The following C12orf42 variants were observed in gnomAD, a reference collection of about 807,000 sequenced individuals.
C12orf42 encodes the protein chromosome 12 open reading frame 42, also known as uncharacterized protein C12orf42.
C12orf42 carries 25 observed loss-of-function variants against 21.6 expected under a neutral mutation model. The ratio of observed to expected loss-of-function variants is 1.16; its 90% CI spans 0.84 to 1.62. The LOEUF is 1.62. Ranked by LOEUF, C12orf42 falls within the 40% of genes most tolerant of loss-of-function variation. The probability of loss-of-function intolerance (pLI) is 0.00; values close to 1 mark genes in which losing one functional copy is unlikely to be tolerated. For synonymous variants in C12orf42, 174 were observed against 175.0 expected, an observed-to-expected ratio of 0.99 and a Z score of 0.05; for missense variants, 483 against 459.3, an observed-to-expected ratio of 1.05 and a Z score of -0.47.
the C12orf42 span, among the ~76,000 whole-genome samples, chr12:103,109,874 C>T: frequency 5.3e-5 from 8 of 151,982 alleles, no homozygotes; most frequent in Non-Finnish European, 1.2e-4. Flanking sequence ...CACTCAATGT[C>T]CACAATGAAA....
At chr12:103,324,716 C>T (rs983900332) in intron 4 of C12orf42, among the ~76,000 whole-genome samples, 5 of 152,148 alleles carry the variant, frequency 3.3e-5, no homozygotes, top group Non-Finnish European at 7.4e-5. Context: ...CCTATTATGG[C>T]CACAAATCTC....
At chr12:103,063,530 C>A in the C12orf42 span, among the ~76,000 whole-genome samples, 1 of 152,326 alleles carries the variant, frequency 6.6e-6, no homozygotes, top group Middle Eastern at 3.4e-3. Context: ...CCAGTAGTGA[C>A]AACATCCCCT....
chr12:103,446,535 C>A (rs540882599), intron 2 of C12orf42, among the ~76,000 whole-genome samples: 1 of 151,898 alleles, frequency 6.6e-6, no homozygotes, highest in South Asian at 2.1e-4. Context: ...ATGTAAATAG[C>A]CTAAATGCTC....
intron 4 of C12orf42, among the ~76,000 whole-genome samples, chr12:103,316,777 C>T (rs577233482): frequency 2.7e-4 from 41 of 151,682 alleles, no homozygotes; most frequent in Non-Finnish European, 4.9e-4. Context: ...ATATCCCAAG[C>T]GCTTGGCACA....
Position 103,382,439 on chromosome 12 carries a change from A to G in C12orf42, c.148-13441T>C, listed in dbSNP as rs539207289. 9.2e-5 allele frequency among the ~76,000 whole-genome samples: 14 copies of G among 152,380 alleles called. No individual in the cohort carries two copies. In the South Asian group the frequency reaches 2.3e-3, roughly 25 times the overall value. ...AGAGTCAAGTCAGTAGCAGACACAA[A>G]GCAGAAAAAAGTAGAGCAGATGAGC... On this transcript the variant is annotated intron_variant, in intron 3 of 5. Coordinates refer to ENST00000548883, the MANE Select transcript of C12orf42 (RefSeq NM_198521.5).
At chr12:103,052,560 T>A in the C12orf42 span, among the ~76,000 whole-genome samples, 1 of 152,110 alleles carries the variant, frequency 6.6e-6, no homozygotes, top group African/African-American at 2.4e-5. Flanking sequence ...TATTTATATA[T>A]TCTGGATATA....
chr12:103,118,116 A>G, the C12orf42 span, among the ~76,000 whole-genome samples: 28 of 152,196 alleles, frequency 1.8e-4, no homozygotes, highest in Admixed American at 1.7e-3. Flanking sequence ...AAGGCAGCTC[A>G]TGCCTGGAGG....
the C12orf42 span, among the ~76,000 whole-genome samples, chr12:103,519,927 A>G: frequency 6.6e-6 from 1 of 152,206 alleles, no homozygotes; most frequent in African/African-American, 2.4e-5. Context: ...GTTTACAGAA[A>G]GAGGAGGGAA....
the C12orf42 span, among the ~76,000 whole-genome samples, chr12:103,215,802 T>C: frequency 6.6e-6 from 1 of 152,202 alleles, no homozygotes; most frequent in East Asian, 1.9e-4. Context: ...TGGAACACAG[T>C]ACTCAAAAGA....
At chr12:103,434,521 T>G (rs1283991629) in intron 2 of C12orf42, among the ~76,000 whole-genome samples, 1 of 151,996 alleles carries the variant, frequency 6.6e-6, no homozygotes, top group Non-Finnish European at 1.5e-5. Flanking sequence ...TGCCAGACAG[T>G]GGGTGCAGGT....
the C12orf42 span, among the ~76,000 whole-genome samples, chr12:103,153,843 A>T: frequency 2.0e-5 from 3 of 152,062 alleles, no homozygotes; most frequent in Non-Finnish European, 4.4e-5. Flanking sequence ...TACTCACCAG[A>T]AAACAAGTAC....
intron 2 of C12orf42, among the ~76,000 whole-genome samples, chr12:103,417,204 GA>G (rs1479891414): frequency 5.9e-5 from 9 of 152,118 alleles, no homozygotes. Flanking sequence ...ATTTTAATGG[GA>G]AAATCCCCCC....
chr12:103,316,055 T>TAC (rs148613117), intron 4 of C12orf42, among the ~76,000 whole-genome samples: 29 of 149,432 alleles, frequency 1.9e-4, no homozygotes, highest in Admixed American at 8.7e-4. Flanking sequence ...TATATATATA[T>TAC]ACACACACAC....
chr12:103,155,789 GTACATA>G, the C12orf42 span, among the ~76,000 whole-genome samples: 1 of 148,274 alleles, frequency 6.7e-6, no homozygotes, highest in African/African-American at 2.5e-5. Flanking sequence ...AGTAAAAATA[GTACATA>G]TACATATACC....
the C12orf42 span, among the ~76,000 whole-genome samples, chr12:103,222,461 G>A: frequency 2.0e-5 from 3 of 152,094 alleles, no homozygotes; most frequent in Non-Finnish European, 4.4e-5. Flanking sequence ...GGTGGGGCAG[G>A]GCATATTCAC....
intron 5 of C12orf42, among the ~76,000 whole-genome samples, chr12:103,271,164 C>G (rs549992877): frequency 6.6e-6 from 1 of 152,128 alleles, no homozygotes; most frequent in Non-Finnish European, 1.5e-5. Context: ...CATGGGAGGC[C>G]TCCTCTGGAT....
At position 103,277,910 on chromosome 12, in the gene C12orf42, C is replaced by T. The variant is rs193115781; in HGVS notation, n.338-700G>A. ...CTGGGATTACAGGTGTGAGCCACTG[C>T]ACCCGATGAGCACAATTTTTTAATT... is the stretch of plus-strand genomic sequence containing the variant. On this transcript the variant is annotated intron_variant and non_coding_transcript_variant, in intron 4 of 6. Transcript: ENST00000546526. 3.4e-4 allele frequency among the ~76,000 whole-genome samples: 52 copies of T among 152,260 alleles called. No individual in the cohort carries two copies. In the East Asian group the frequency reaches 9.7e-3, roughly 28 times the overall value.
the C12orf42 span, among the ~76,000 whole-genome samples, chr12:103,221,775 T>C: frequency 6.6e-6 from 1 of 152,044 alleles, no homozygotes; most frequent in African/African-American, 2.4e-5. Context: ...GTGAGGAGAG[T>C]TCTTTTCCAT....
At chr12:103,203,649 A>C in the C12orf42 span, among the ~76,000 whole-genome samples, 1 of 152,214 alleles carries the variant, frequency 6.6e-6, no homozygotes, top group Admixed American at 6.5e-5. Context: ...GGAATACTGC[A>C]GTACAATGAC....
Sources: gnomAD v4.1 joint callset for allele counts (sites outside exome capture counted in the v4.1 genomes callset) on GRCh38, gnomAD v4.1.1 for gene constraint, MANE v1.5 for transcripts, NCBI Gene and HGNC (gene_info 2026-07-23, HGNC 2026-07-21) for gene names.